The following LRFN5 variants were observed in gnomAD, a reference collection of about 807,000 sequenced individuals.
LRFN5 encodes leucine rich repeat and fibronectin type III domain containing 5.
LRFN5 carries 24 observed loss-of-function variants against 45.6 expected under a neutral mutation model. The ratio of observed to expected loss-of-function variants is 0.53; its 90% CI spans 0.38 to 0.74. The LOEUF (loss-of-function observed/expected upper bound fraction) is 0.74. Among genes scored for constraint, LRFN5 ranks in the 30% least tolerant of loss-of-function variants. LRFN5 has a pLI of 0.00. For synonymous variants in LRFN5, 340 were observed against 313.8 expected, an observed-to-expected ratio of 1.08 and a Z score of -0.88; for missense variants, 776 against 861.5, an observed-to-expected ratio of 0.90 and a Z score of 1.24.
intron 1 of LRFN5, among the ~76,000 whole-genome samples, chr14:41,697,951 G>T (rs958904734): frequency 1.3e-5 from 2 of 151,944 alleles, no homozygotes; most frequent in Admixed American, 6.6e-5. Flanking sequence ...AAGGGATGAG[G>T]TAGAGAAATC....
intron 2 of LRFN5, among the ~76,000 whole-genome samples, chr14:41,815,764 A>C: frequency 6.6e-6 from 1 of 151,684 alleles, no homozygotes; most frequent in East Asian, 1.9e-4. Context: ...AAATAAATAT[A>C]AATAAATAAA....
chr14:41,682,491 ATGAAAT>A (rs1174367358), intron 1 of LRFN5, among the ~76,000 whole-genome samples: 1 of 152,152 alleles, frequency 6.6e-6, no homozygotes, highest in African/African-American at 2.4e-5. Context: ...GCAGAAATAA[ATGAAAT>A]TGAAATGAAA....
intron 1 of LRFN5, among the ~76,000 whole-genome samples, chr14:41,691,148 T>C (rs1882363033): frequency 6.6e-6 from 1 of 152,126 alleles, no homozygotes; most frequent in Admixed American, 6.5e-5. Context: ...CACTTTCTTC[T>C]GCCTCATTTT....
At chr14:41,730,416 A>C (rs951215827) in intron 1 of LRFN5, among the ~76,000 whole-genome samples, 1 of 151,980 alleles carries the variant, frequency 6.6e-6, no homozygotes, top group Non-Finnish European at 1.5e-5. Flanking sequence ...GTGGCAATGC[A>C]CTTTGCTAGA....
chr14:41,652,551 G>T (rs1037436844), intron 1 of LRFN5, among the ~76,000 whole-genome samples: 5 of 152,094 alleles, frequency 3.3e-5, no homozygotes, highest in African/African-American at 1.2e-4. Context: ...ACAAGGAAGA[G>T]AATAAAATAG....
At chr14:41,767,434 A>G (rs549387500) in intron 2 of LRFN5, among the ~76,000 whole-genome samples, 9 of 152,166 alleles carry the variant, frequency 5.9e-5, no homozygotes, top group African/African-American at 2.2e-4. Flanking sequence ...ACAATTTCTC[A>G]TTTTCTGAAT....
intron 2 of LRFN5, among the ~76,000 whole-genome samples, chr14:41,790,192 C>G (rs1366577509): frequency 2.0e-5 from 3 of 151,858 alleles, no homozygotes; most frequent in Admixed American, 2.0e-4. Context: ...GGAATTTGTA[C>G]TTTAAAGCTA....
At chr14:41,690,281 G>A (rs1882319513) in intron 1 of LRFN5, among the ~76,000 whole-genome samples, 1 of 152,076 alleles carries the variant, frequency 6.6e-6, no homozygotes. Flanking sequence ...CAGGTGCAGT[G>A]GCTCACCCCT....
At chr14:41,758,753 A>G (rs1885523352) in intron 1 of LRFN5, among the ~76,000 whole-genome samples, 1 of 152,164 alleles carries the variant, frequency 6.6e-6, no homozygotes. Flanking sequence ...GACCTTATGG[A>G]AAATTTGTCC....
intron 1 of LRFN5, among the ~76,000 whole-genome samples, chr14:41,629,534 A>G (rs1297719235): frequency 1.3e-5 from 2 of 152,232 alleles, no homozygotes; most frequent in African/African-American, 4.8e-5. Flanking sequence ...TTGTATAGTC[A>G]GTGTAGCCGA....
chr14:41,815,641 G>A (rs987633634), intron 2 of LRFN5, among the ~76,000 whole-genome samples: 3 of 152,142 alleles, frequency 2.0e-5, no homozygotes, highest in Admixed American at 1.3e-4. Context: ...TGGAGGCTGA[G>A]GTGGGAGGAT....
At chr14:41,781,143 A>G (rs996407586) in intron 2 of LRFN5, among the ~76,000 whole-genome samples, 10 of 152,100 alleles carry the variant, frequency 6.6e-5, no homozygotes, top group South Asian at 2.1e-4. Flanking sequence ...CTTTATACCA[A>G]TTGAAGTTCT....
intron 1 of LRFN5, among the ~76,000 whole-genome samples, chr14:41,711,024 A>G (rs1257708641): frequency 1.3e-5 from 2 of 152,164 alleles, no homozygotes; most frequent in Admixed American, 6.6e-5. Flanking sequence ...TAGATAATCA[A>G]TAATTTGATG....
rs192070316 is a variant in LRFN5 at position 41,616,286 on chromosome 14, T to C, written c.-197+7724T>C. Among the ~76,000 whole-genome samples, 626 of 152,274 alleles carry C rather than the reference T, an allele frequency of 4.1e-3. 12 individuals are homozygous for C. The highest frequency in any genetic ancestry group is 0.014 in the African/African-American group (597 of 41,576). On this transcript the variant is annotated intron_variant, in intron 1 of 5. Coordinates refer to ENST00000298119, the MANE Select transcript of LRFN5 (RefSeq NM_152447.5). ...TGACTCAAGCCCATTCTTTAATTCCTTTAACATTTATTTGGCATTTAATGC... is the reference window on the plus strand; with the variant it reads ...TGACTCAAGCCCATTCTTTAATTCCCTTAACATTTATTTGGCATTTAATGC...
intron 1 of LRFN5, among the ~76,000 whole-genome samples, chr14:41,710,705 G>T (rs1883246652): frequency 6.6e-6 from 1 of 152,020 alleles, no homozygotes. Context: ...ATGCCAAGCT[G>T]GTGTGCTGCA....
At chr14:41,753,159 G>A (rs952163636) in intron 1 of LRFN5, among the ~76,000 whole-genome samples, 3 of 151,436 alleles carry the variant, frequency 2.0e-5, no homozygotes, top group Non-Finnish European at 4.4e-5. Context: ...TGCTGTTTTG[G>A]TTACTGTAGC....
chr14:41,761,107 G>A (rs780572327), intron 1 of LRFN5, among the ~76,000 whole-genome samples: 1 of 152,062 alleles, frequency 6.6e-6, no homozygotes, highest in Non-Finnish European at 1.5e-5. Context: ...TATGGTACTT[G>A]GGTGCATGTG....
chr14:41,818,867 A>C (rs573008365), intron 2 of LRFN5, among the ~76,000 whole-genome samples: 2 of 152,198 alleles, frequency 1.3e-5, no homozygotes, highest in African/African-American at 2.4e-5. Context: ...TCAGTAGATA[A>C]TTTCTCATCC....
intron 1 of LRFN5, among the ~76,000 whole-genome samples, chr14:41,675,469 G>C (rs1050771880): frequency 1.3e-5 from 2 of 152,172 alleles, no homozygotes; most frequent in Non-Finnish European, 2.9e-5. Flanking sequence ...CAGGCGTGGC[G>C]GCGCGCGCCT....
Sources: allele counts gnomAD v4.1 joint callset (sites outside exome capture counted in the v4.1 genomes callset), GRCh38; gene constraint gnomAD v4.1.1; transcripts MANE v1.5; gene names NCBI Gene and HGNC (gene_info 2026-07-23, HGNC 2026-07-21).